RIMS2: variants seen among roughly 807,000 people sequenced by gnomAD.
The protein encoded by RIMS2 is regulating synaptic membrane exocytosis protein 2.
RIMS2 carries 59 observed loss-of-function variants against 174.4 expected under a neutral mutation model. That is an observed-to-expected ratio of 0.34 (90% confidence interval 0.27 to 0.42). The LOEUF is 0.42. Among genes scored for constraint, RIMS2 ranks in the 10% least tolerant of loss-of-function variants. The pLI is 1.00. For missense variants in RIMS2, 1,620 were observed against 1,666.3 expected, an observed-to-expected ratio of 0.97 and a Z score of 0.48; for synonymous variants, 606 against 572.5, an observed-to-expected ratio of 1.06 and a Z score of -0.84.
At chr8:103,887,620 A>T (rs1163639781) in intron 4 of RIMS2, among the ~76,000 whole-genome samples, 1 of 151,532 alleles carries the variant, frequency 6.6e-6, no homozygotes, top group Non-Finnish European at 1.5e-5. Flanking sequence ...CAATTTCCTT[A>T]TACTATTTGA....
intron 19 of RIMS2, among the ~76,000 whole-genome samples, chr8:104,089,071 C>G (rs1261873389): frequency 6.6e-6 from 1 of 151,904 alleles, no homozygotes; most frequent in East Asian, 1.9e-4. Context: ...CTTCTTTACT[C>G]TCTTCCAAGA....
intron 3 of RIMS2, among the ~76,000 whole-genome samples, chr8:103,772,413 T>C (rs2098264076): frequency 6.6e-6 from 1 of 152,042 alleles, no homozygotes; most frequent in Non-Finnish European, 1.5e-5. Context: ...AAAATACATT[T>C]ATACTAGCAC....
intron 3 of RIMS2, among the ~76,000 whole-genome samples, chr8:103,822,415 A>G (rs933059283): frequency 1.3e-5 from 2 of 151,852 alleles, no homozygotes; most frequent in Non-Finnish European, 3.0e-5. Context: ...TAAACCAACC[A>G]ATAATACTGT....
intron 2 of RIMS2, among the ~76,000 whole-genome samples, chr8:103,757,002 T>TGA (rs1564526983): frequency 2.8e-5 from 4 of 144,294 alleles, no homozygotes; most frequent in Admixed American, 6.7e-5. Context: ...TGTGTGTGTG[T>TGA]GTGTGTGTGA....
At chr8:103,791,757 T>C (rs200586653) in intron 3 of RIMS2, among the ~76,000 whole-genome samples, 4 of 151,702 alleles carry the variant, frequency 2.6e-5, no homozygotes, top group African/African-American at 9.7e-5. Context: ...CAAAAAAAGG[T>C]AGGGGTTGCA....
intron 1 of RIMS2, among the ~76,000 whole-genome samples, chr8:103,639,257 C>T (rs1006575166): frequency 1.3e-5 from 2 of 151,644 alleles, no homozygotes; most frequent in African/African-American, 2.4e-5. Context: ...TATATTGTAC[C>T]TTTTAAATAC....
intron 16 of RIMS2, among the ~76,000 whole-genome samples, chr8:103,981,269 A>G (rs946859989): frequency 1.3e-5 from 2 of 152,140 alleles, no homozygotes; most frequent in Admixed American, 6.6e-5. Context: ...GGGAGAAAGT[A>G]AGGGAAAAGA....
chr8:103,769,732 T>C (rs915430910), intron 3 of RIMS2, among the ~76,000 whole-genome samples: 1 of 152,244 alleles, frequency 6.6e-6, no homozygotes, highest in Non-Finnish European at 1.5e-5. Context: ...ACAATTGAAA[T>C]TGACCTATTG....
intron 3 of RIMS2, among the ~76,000 whole-genome samples, chr8:103,787,183 T>C (rs2154438388): frequency 6.7e-6 from 1 of 148,862 alleles, no homozygotes; most frequent in South Asian, 2.2e-4. Context: ...ATGAGATGGG[T>C]TTCCTGAATA....
intron 19 of RIMS2, among the ~76,000 whole-genome samples, chr8:104,223,060 A>AGGAAAG (rs2099162781): frequency 6.6e-6 from 1 of 152,218 alleles, no homozygotes; most frequent in Non-Finnish European, 1.5e-5. Context: ...TGTGAACCTG[A>AGGAAAG]GGAAAGGGAA....
intron 19 of RIMS2, among the ~76,000 whole-genome samples, chr8:104,182,721 G>T (rs1191579977): frequency 6.6e-6 from 1 of 151,724 alleles, no homozygotes; most frequent in Non-Finnish European, 1.5e-5. Context: ...CAAGTGCTCA[G>T]TTGCCATGTG....
At chr8:103,601,457 T>C (rs1207834049) in intron 1 of RIMS2, among the ~76,000 whole-genome samples, 1 of 151,796 alleles carries the variant, frequency 6.6e-6, no homozygotes, top group East Asian at 1.9e-4. Context: ...TATCTTGAAA[T>C]CTATTTTGTC....
At chr8:104,223,538 G>T in intron 19 of RIMS2, 3 of 1,422,102 alleles carry the variant, frequency 2.1e-6, no homozygotes, top group Non-Finnish European at 2.7e-6. Context: ...TCAGGGTCCC[G>T]TGGCACCAAC....
rs73285186 is a variant in RIMS2 at position 103,559,508 on chromosome 8, C to T, written c.176+58446C>T. ...GGAGGTGGCTGCTGTGAGAAGGGAG[C>T]AGGACTGAGAACAATGCAGAGATGG... On this transcript the variant is annotated intron_variant, in intron 1 of 23. Coordinates refer to ENST00000504942, the Ensembl canonical transcript of RIMS2. The T allele has an allele frequency of 3.1e-3, 796 of 259,622 alleles. 8 individuals carry two copies. The highest frequency in any genetic ancestry group is 0.017 in the African/African-American group (743 of 42,498). 16.1% of individuals were successfully genotyped at this position (259,622 alleles called of 1,614,324 possible). A position where few individuals can be genotyped will look rare whatever the true frequency, so the allele number is the denominator to read the frequency against.
intron 4 of RIMS2, among the ~76,000 whole-genome samples, chr8:103,900,899 T>C (rs912271015): frequency 6.6e-6 from 1 of 152,120 alleles, no homozygotes; most frequent in South Asian, 2.1e-4. Flanking sequence ...CTTAGCCTCC[T>C]GATTATCCAT....
intron 1 of RIMS2, among the ~76,000 whole-genome samples, chr8:103,558,856 C>T (rs1396404033): frequency 6.6e-6 from 1 of 151,954 alleles, no homozygotes; most frequent in Non-Finnish European, 1.5e-5. Flanking sequence ...TTTTCAAGTA[C>T]TTTTAAAAAA....
chr8:103,602,234 G>T (rs573399051), intron 1 of RIMS2, among the ~76,000 whole-genome samples: 5 of 152,182 alleles, frequency 3.3e-5, no homozygotes, highest in South Asian at 2.1e-4. Flanking sequence ...TGATCCGCCC[G>T]CCTCGGCCTC....
At chr8:103,809,933 T>C (rs2098676148) in intron 3 of RIMS2, among the ~76,000 whole-genome samples, 1 of 152,196 alleles carries the variant, frequency 6.6e-6, no homozygotes, top group Admixed American at 6.5e-5. Context: ...ATCCCTTTTG[T>C]AACTAAAGCA....
intron 3 of RIMS2, among the ~76,000 whole-genome samples, chr8:103,844,602 A>G (rs1046272283): frequency 2.0e-5 from 3 of 152,174 alleles, no homozygotes; most frequent in Non-Finnish European, 4.4e-5. Flanking sequence ...TCTGAAAGCC[A>G]TCATATAGAA....
Sources: allele counts gnomAD v4.1 joint callset (sites outside exome capture counted in the v4.1 genomes callset), GRCh38; gene constraint gnomAD v4.1.1; transcripts MANE v1.5; gene names NCBI Gene and HGNC (gene_info 2026-07-23, HGNC 2026-07-21).